Variants in SRC observed in about 807,000 individuals in gnomAD.
SRC encodes the protein proto-oncogene tyrosine-protein kinase Src.
In SRC, 13 loss-of-function variants were observed where a neutral mutation model predicts 62.9. That is an observed-to-expected ratio of 0.21 (90% CI 0.13 to 0.33). SRC has a LOEUF of 0.33. SRC is among the 10% of genes least tolerant of loss of function. The pLI is 1.00. For synonymous variants in SRC, 302 were observed against 317.5 expected (o/e 0.95, Z 0.52); for missense variants, 457 against 737.3 (o/e 0.62, Z 4.40).
In SRC at chr20:37,402,070, C is replaced by T. The variant is rs565611839; in HGVS notation, c.1117-365C>T. 11 of 306,712 alleles carry T rather than the reference C, an allele frequency of 3.6e-5. No homozygotes were observed. The highest frequency in any genetic ancestry group is 1.3e-4 in the African/African-American group (6 of 46,330). The allele number at this position is 306,712 out of a possible 1,614,324, so 19.0% of individuals were successfully genotyped here. On this transcript the variant is annotated intron_variant, in intron 11 of 13. Coordinates refer to ENST00000373578, the MANE Select transcript of SRC (RefSeq NM_198291.3). This position sits in a 1 kb window ranked among gnomAD's most constrained non-coding sequence, Gnocchi z 6.2. ...AGGATTGGCTGTTATTCCCATTGGA[C>T]GGATGAGAAAACTGAGGCTCAGAGA...
chr20:37,376,045 C>A (rs140254177), intron 2 of SRC, among the ~76,000 whole-genome samples: 2,320 of 152,288 alleles, frequency 0.015, 55 homozygotes, highest in African/African-American at 0.053. Flanking sequence ...CAAACACCAC[C>A]ACACTGGGGA....
Position 37,351,953 on chromosome 20 carries a change from C to T in SRC, c.-247+5698C>T, listed in dbSNP as rs2069808826. Among the ~76,000 whole-genome samples the T allele has an allele frequency of 6.6e-6, 1 of 152,174 alleles. No homozygotes were observed. The highest frequency in any genetic ancestry group is 2.1e-4 in the South Asian group (1 of 4,834). On this transcript the variant is annotated intron_variant, in intron 1 of 13. Coordinates refer to ENST00000373578, the MANE Select transcript of SRC (RefSeq NM_198291.3). The surrounding 1 kb of genome is among the most constrained non-coding windows in gnomAD (Gnocchi z 4.4). ...GGGTGCGGTGCTGGGGGCAGGTGAC[C>T]CTGACTCTCTGGGTTCCAGCTCTGG...
chr20:37,396,016 G>C lies in SRC; in HGVS notation c.554-146G>C. ...GCCCTGCCTCTGTGGCTGCCCCGGGGCTGGCTGTTGAGAGACAGGGTGGGC... is the reference window on the plus strand; with the variant it reads ...GCCCTGCCTCTGTGGCTGCCCCGGGCCTGGCTGTTGAGAGACAGGGTGGGC... On this transcript the variant is annotated intron_variant, in intron 7 of 13. Transcript: ENST00000373578. This position sits in a 1 kb window ranked among gnomAD's most constrained non-coding sequence, Gnocchi z 6.1. 1.7e-6 allele frequency: 2 copies of C among 1,150,482 alleles called. No homozygotes were observed. The highest frequency in any genetic ancestry group is 2.4e-6 in the Non-Finnish European group (2 of 827,348). The allele number at this position is 1,150,482 out of a possible 1,614,324, so 71.3% of individuals were successfully genotyped here.
chr20:37,379,207 G>T (rs1474333500), intron 2 of SRC, among the ~76,000 whole-genome samples: 1 of 152,122 alleles, frequency 6.6e-6, no homozygotes, highest in Non-Finnish European at 1.5e-5. Flanking sequence ...GCTTCCCGAA[G>T]GAAAGGGGCC....
intron 2 of SRC, among the ~76,000 whole-genome samples, chr20:37,373,428 TGTATATACGCATATATACGC>T (rs2070226948): frequency 6.6e-6 from 1 of 150,950 alleles, no homozygotes; most frequent in Non-Finnish European, 1.5e-5. Context: ...CATATATGCG[TGTATATACGCATATATACGC>T]ATATATGCAT....
At chr20:37,346,777 G>GC (rs1290272391) in intron 1 of SRC, among the ~76,000 whole-genome samples, 1 of 152,204 alleles carries the variant, frequency 6.6e-6, no homozygotes, top group African/African-American at 2.4e-5. Context: ...AGGGCCTGGT[G>GC]CTGCCGGCCT....
intron 1 of SRC, among the ~76,000 whole-genome samples, chr20:37,349,327 C>G (rs112824456): frequency 6.6e-6 from 1 of 152,070 alleles, no homozygotes; most frequent in Non-Finnish European, 1.5e-5. Flanking sequence ...AAGTGCAATG[C>G]TGGGTGGCTG....
At chr20:37,391,252 C>G (rs142575208) in intron 5 of SRC, among the ~76,000 whole-genome samples, 1 of 152,216 alleles carries the variant, frequency 6.6e-6, no homozygotes, top group Non-Finnish European at 1.5e-5. Flanking sequence ...CTGACCCCGC[C>G]CTGCAGCCTC....
At chr20:37,393,843 T>A (rs2070592740) in intron 5 of SRC, 52 bp from the exon 6 acceptor site, 1 of 1,422,168 alleles carries the variant, frequency 7.0e-7, no homozygotes, top group Admixed American at 1.7e-5. Context: ...GGCACCGGGC[T>A]TGTGGCTGAC....
intron 1 of SRC, among the ~76,000 whole-genome samples, chr20:37,357,951 G>A (rs2069907994): frequency 1.3e-5 from 2 of 152,320 alleles, no homozygotes. Flanking sequence ...GGAGTAGAGC[G>A]AGGGGAGGGA....
chr20:37,406,008 G>A lies in SRC; in HGVS notation c.*2629G>A, dbSNP rs2070821598. 1 of 152,230 alleles carries A rather than the reference G, an allele frequency of 6.6e-6. No individual in the cohort carries two copies. The highest frequency in any genetic ancestry group is 1.5e-5 in the Non-Finnish European group (1 of 68,040). The allele number at this position is 152,230 out of a possible 1,614,324, so 9.4% of individuals were successfully genotyped here. On this transcript the variant is annotated 3_prime_UTR_variant, in exon 14 of 14. Transcript: ENST00000373578. ...ACACCTGTGCACCGGAGTCAACTCT[G>A]GCCACGACATTGCTTAATTAAAAAC... is the stretch of plus-strand genomic sequence containing the variant.
chr20:37,388,702 G>A (rs1242888555), intron 5 of SRC, among the ~76,000 whole-genome samples: 3 of 152,096 alleles, frequency 2.0e-5, no homozygotes, highest in East Asian at 3.9e-4. Flanking sequence ...AGCCATGATC[G>A]TGCTACTGCA....
chr20:37,367,632 G>A (rs1210292742), intron 2 of SRC, among the ~76,000 whole-genome samples: 2 of 150,954 alleles, frequency 1.3e-5, no homozygotes, highest in Non-Finnish European at 3.0e-5. Context: ...ATGCCACCAT[G>A]CCTGACTTAA....
intron 2 of SRC, among the ~76,000 whole-genome samples, chr20:37,380,271 C>A (rs2147031832): frequency 6.6e-6 from 1 of 152,196 alleles, no homozygotes; most frequent in Non-Finnish European, 1.5e-5. Context: ...TGAGAGAGAT[C>A]CCTGGGGGTA....
chr20:37,362,175 T>C (rs1396919731), intron 1 of SRC, among the ~76,000 whole-genome samples: 1 of 152,026 alleles, frequency 6.6e-6, no homozygotes, highest in Non-Finnish European at 1.5e-5. Flanking sequence ...CCACCTCGGC[T>C]TCCTGAGTAG....
Position 37,386,080 on chromosome 20 carries a change from G to T in SRC, c.256G>T (p.Val86Leu). ...CACCCCACCCCTCTCTGCAGGTGGA[G>T]TGACCACCTTTGTGGCCCTCTATGA... Reference protein sequence around the residue: ...PQRAGPLAGGVTTFVALYDYE... With the variant: ...PQRAGPLAGGLTTFVALYDYE... Residue 86 changes from valine to leucine, a missense_variant, in exon 5 of 14, where the codon GTG becomes TTG. Val to Leu is a conservative substitution (Grantham distance 32). Around this residue, in one of 4 missense-constraint regions of SRC, gnomAD observed 132 missense variants for 135.4 expected, o/e 0.98. Transcript: ENST00000373578. The T allele has an allele frequency of 6.2e-7, 1 of 1,613,890 alleles. No homozygotes were observed. Among genetic ancestry groups the T allele is most frequent in the Non-Finnish European group, 8.5e-7 (1 of 1,179,738 alleles).
At chr20:37,369,132 CTT>C (rs992650701) in intron 2 of SRC, among the ~76,000 whole-genome samples, 5 of 152,192 alleles carry the variant, frequency 3.3e-5, no homozygotes, top group African/African-American at 1.2e-4. Context: ...AGTCCTCAAA[CTT>C]TGTTTTTCTT....
intron 5 of SRC, among the ~76,000 whole-genome samples, chr20:37,392,409 A>G (rs1275603376): frequency 6.6e-6 from 1 of 152,188 alleles, no homozygotes; most frequent in Non-Finnish European, 1.5e-5. Context: ...GCAGCTCAGA[A>G]GAAGTGGGAG....
chr20:37,405,230 C>CTTT lies in SRC; in HGVS notation c.*1862_*1864dup. ...TTGTGTAAGGTGTCTTAATACTGTC[C>CTTT]TTTTTTTTTTTTTAACAGTGTTTTG... On this transcript the variant is annotated 3_prime_UTR_variant, in exon 14 of 14. Coordinates refer to ENST00000373578, the MANE Select transcript of SRC (RefSeq NM_198291.3). 5.2e-6 allele frequency: 1 copy of CTTT among 192,772 alleles called. No homozygotes were observed. The highest frequency in any genetic ancestry group is 1.0e-5 in the Non-Finnish European group (1 of 97,988). 11.9% of individuals were successfully genotyped at this position (192,772 alleles called of 1,614,324 possible).
Sources: gnomAD v4.1 joint callset for allele counts (sites outside exome capture counted in the v4.1 genomes callset) on GRCh38, gnomAD v4.1.1 for gene constraint, gnomAD v4.1.1 regional missense constraint, Gnocchi (gnomAD v3.1) non-coding constraint, MANE v1.5 for transcripts, NCBI Gene and HGNC (gene_info 2026-07-23, HGNC 2026-07-21) for gene names.